PKHD1: variants seen among roughly 807,000 people sequenced by gnomAD.
The protein encoded by PKHD1 is PKHD1 ciliary IPT domain containing fibrocystin/polyductin, also known as fibrocystin.
A neutral mutation model predicts 412.0 loss-of-function variants in PKHD1; 291 were observed. The observed-to-expected ratio is 0.71, with a 90% CI of 0.64 to 0.78. PKHD1 has a LOEUF of 0.78. PKHD1 is among the 30% of genes least tolerant of loss of function. The probability of loss-of-function intolerance (pLI) is 0.00; values close to 1 mark genes in which losing one functional copy is unlikely to be tolerated. For synonymous variants in PKHD1, 1,777 were observed against 1,821.5 expected, an observed-to-expected ratio of 0.98 and a Z score of 0.62; for missense variants, 4,825 against 4,950.7, an observed-to-expected ratio of 0.97 and a Z score of 0.76.
intron 1 of PKHD1, among the ~76,000 whole-genome samples, chr6:52,085,416 A>G (rs1052738039): frequency 1.3e-5 from 2 of 152,112 alleles, no homozygotes; most frequent in African/African-American, 4.8e-5. Context: ...CACTGCAGCC[A>G]CACGCCGTTC....
intron 52 of PKHD1, among the ~76,000 whole-genome samples, chr6:51,808,769 G>T (rs1007597947): frequency 6.6e-6 from 1 of 151,994 alleles, no homozygotes; most frequent in Admixed American, 6.6e-5. Context: ...ATGGAATGTG[G>T]ATCTACGCAA....
chr6:51,946,443 A>C (rs1443318627), intron 36 of PKHD1, among the ~76,000 whole-genome samples: 2 of 152,258 alleles, frequency 1.3e-5, no homozygotes, highest in Non-Finnish European at 2.9e-5. Context: ...TACTTAATCT[A>C]TCTTTATGCC....
intron 43 of PKHD1, among the ~76,000 whole-genome samples, chr6:51,899,612 A>G (rs1477480269): frequency 1.3e-5 from 2 of 151,152 alleles, no homozygotes; most frequent in African/African-American, 4.9e-5. Context: ...GGCACAAGAC[A>G]GGGATGCCCT....
chr6:52,076,380 A>G, intron 5 of PKHD1, 47 bp from the exon 6 acceptor site: 2 of 1,419,884 alleles, frequency 1.4e-6, no homozygotes, highest in Non-Finnish European at 2.0e-6. Context: ...TAAAATATTC[A>G]CAAACACAGG....
At chr6:52,050,133 A>G in intron 22 of PKHD1, 24 bp downstream of exon 22, 1 of 1,612,264 alleles carries the variant, frequency 6.2e-7, no homozygotes, top group Non-Finnish European at 8.5e-7. Context: ...GAGAAGGGAC[A>G]GGTGTAAAAA....
At chr6:51,869,520 G>T (rs1036953698) in intron 47 of PKHD1, among the ~76,000 whole-genome samples, 1 of 152,088 alleles carries the variant, frequency 6.6e-6, no homozygotes, top group African/African-American at 2.4e-5. Context: ...AGGTCCTTAA[G>T]CAGAGCCTGA....
chr6:51,622,759 T>G (rs543615489), intron 66 of PKHD1: 1 of 152,318 alleles, frequency 6.6e-6, no homozygotes, highest in South Asian at 2.1e-4. Context: ...TATGTTTTAG[T>G]AAACCTAATT....
At chr6:51,941,441 G>T (rs1304616165) in intron 36 of PKHD1, among the ~76,000 whole-genome samples, 1 of 149,208 alleles carries the variant, frequency 6.7e-6, no homozygotes, top group Non-Finnish European at 1.5e-5. Context: ...ATTTTTAGTA[G>T]AGACGGGGTT....
chr6:51,636,597 A>C (rs1768606124), intron 64 of PKHD1, among the ~76,000 whole-genome samples: 1 of 152,070 alleles, frequency 6.6e-6, no homozygotes, highest in Non-Finnish European at 1.5e-5. Context: ...CACACAAAAC[A>C]ACAAAAGAAA....
intron 43 of PKHD1, among the ~76,000 whole-genome samples, chr6:51,891,110 G>A (rs1436309186): frequency 2.0e-5 from 3 of 152,184 alleles, no homozygotes; most frequent in Non-Finnish European, 4.4e-5. Context: ...GATTGAGAGT[G>A]AGGACTCCAT....
intron 61 of PKHD1, among the ~76,000 whole-genome samples, chr6:51,656,792 G>A (rs1189931480): frequency 6.6e-6 from 1 of 151,680 alleles, no homozygotes; most frequent in Non-Finnish European, 1.5e-5. Context: ...AAGTAGCTGG[G>A]ACTACAGGCA....
chr6:51,648,822 C>T (rs759579064), intron 62 of PKHD1, among the ~76,000 whole-genome samples: 2 of 152,284 alleles, frequency 1.3e-5, no homozygotes, highest in African/African-American at 4.8e-5. Context: ...GACAGATCTA[C>T]TTCAAGAATT....
intron 60 of PKHD1, among the ~76,000 whole-genome samples, chr6:51,734,705 G>A (rs1407758623): frequency 6.6e-6 from 1 of 151,590 alleles, no homozygotes; most frequent in Non-Finnish European, 1.5e-5. Flanking sequence ...TCAAAAATAT[G>A]TGGAGGAAAA....
At chr6:51,620,791 T>TAC (rs1561971117) in intron 66 of PKHD1, among the ~76,000 whole-genome samples, 12 of 145,678 alleles carry the variant, frequency 8.2e-5, no homozygotes, top group Admixed American at 2.1e-4. Context: ...TATATACATA[T>TAC]ATATATATGT....
chr6:51,966,050 AT>A (rs1224848900), intron 35 of PKHD1, among the ~76,000 whole-genome samples: 6 of 152,140 alleles, frequency 3.9e-5, no homozygotes, highest in Admixed American at 1.3e-4. Flanking sequence ...AATGCTATAC[AT>A]TTTACTTACA....
chr6:51,979,461 C>G (rs1256939734), intron 35 of PKHD1, among the ~76,000 whole-genome samples: 4 of 152,094 alleles, frequency 2.6e-5, no homozygotes, highest in Non-Finnish European at 4.4e-5. Flanking sequence ...CCCCCCACAT[C>G]CTTTCATTCT....
At chr6:51,869,923 T>G (rs947045281) in intron 47 of PKHD1, among the ~76,000 whole-genome samples, 2 of 152,180 alleles carry the variant, frequency 1.3e-5, no homozygotes, top group African/African-American at 2.4e-5. Context: ...TCAAATCAAC[T>G]AGATTACTCT....
chr6:51,819,260 T>A (rs1381517724), intron 52 of PKHD1, among the ~76,000 whole-genome samples: 3 of 152,224 alleles, frequency 2.0e-5, no homozygotes, highest in Non-Finnish European at 2.9e-5. Context: ...TATTGTCATA[T>A]AAAAGGATTT....
chr6:51,693,095 AGTTATTT>A (rs1401429497), intron 60 of PKHD1, among the ~76,000 whole-genome samples: 1 of 152,132 alleles, frequency 6.6e-6, no homozygotes, highest in Non-Finnish European at 1.5e-5. Flanking sequence ...TTCAGGGTTC[AGTTATTT>A]GTCAACACAT....
Sources: gnomAD v4.1 joint callset for allele counts (sites outside exome capture counted in the v4.1 genomes callset) on GRCh38, gnomAD v4.1.1 for gene constraint, MANE v1.5 for transcripts, NCBI Gene and HGNC (gene_info 2026-07-23, HGNC 2026-07-21) for gene names.